The following ZNF717 variants were observed in gnomAD, a reference collection of about 807,000 sequenced individuals.
ZNF717 encodes zinc finger protein 717.
A neutral mutation model predicts 13.8 loss-of-function variants in ZNF717; 9 were observed. That is an observed-to-expected ratio of 0.65 (90% CI 0.39 to 1.14). The LOEUF is 1.14. ZNF717 is among the 50% of genes most tolerant of loss of function. The probability of loss-of-function intolerance (pLI) is 0.01; values close to 1 mark genes in which losing one functional copy is unlikely to be tolerated. For synonymous variants in ZNF717, 327 were observed against 364.1 expected, an observed-to-expected ratio of 0.90 and a Z score of 1.16; for missense variants, 1,040 against 1,080.7, an observed-to-expected ratio of 0.96 and a Z score of 0.53.
At chr3:75,749,569 A>C (rs1296695045) in intron 2 of ZNF717, among the ~76,000 whole-genome samples, 1 of 151,954 alleles carries the variant, frequency 6.6e-6, no homozygotes, top group Non-Finnish European at 1.5e-5. Flanking sequence ...ATTCCAGAAC[A>C]CTGCCACAAG....
chr3:75,752,455 G>A (rs1330497727), intron 2 of ZNF717, among the ~76,000 whole-genome samples: 2 of 133,962 alleles, frequency 1.5e-5, no homozygotes, highest in African/African-American at 5.7e-5. Context: ...GGTTCTGAAT[G>A]TCCTCACATA....
At chr3:75,713,048 G>C (rs1300953381) in intron 5 of ZNF717, among the ~76,000 whole-genome samples, 1 of 151,928 alleles carries the variant, frequency 6.6e-6, no homozygotes, top group Admixed American at 6.6e-5. Context: ...AGAGTTCGAG[G>C]TTGCAGTGAG....
intron 2 of ZNF717, among the ~76,000 whole-genome samples, chr3:75,754,591 T>C (rs1222092850): frequency 5.3e-5 from 8 of 152,230 alleles, no homozygotes; most frequent in Non-Finnish European, 1.2e-4. Context: ...TGATGGCTTA[T>C]TAGTAGACTA....
intron 2 of ZNF717, among the ~76,000 whole-genome samples, chr3:75,746,528 T>C (rs1575807457): frequency 6.6e-6 from 1 of 152,126 alleles, no homozygotes; most frequent in African/African-American, 2.4e-5. Context: ...TTTCTCCACA[T>C]CCTCTCCAGC....
Position 75,736,848 on chromosome 3 carries a change from A to C in ZNF717, c.*30T>G. On this transcript the variant is annotated 3_prime_UTR_variant, in exon 5 of 5. Transcript: ENST00000652011. ...TAGACTGAGCATGGAGAAATCTGTA[A>C]TAGTAGCCAGAGAGGTGTAGGTTGT... 2.0e-6 allele frequency: 3 copies of C among 1,511,194 alleles called. No homozygotes were observed. The highest frequency in any genetic ancestry group is 1.3e-5 in the South Asian group (1 of 76,176). The allele number at this position is 1,511,194 out of a possible 1,614,324, so 93.6% of individuals were successfully genotyped here.
chr3:75,743,537 C>T (rs1167683424), intron 2 of ZNF717, among the ~76,000 whole-genome samples: 3 of 152,118 alleles, frequency 2.0e-5, no homozygotes, highest in Admixed American at 1.3e-4. Context: ...CCAGTAAGGA[C>T]AGAAAAGTTA....
intron 2 of ZNF717, among the ~76,000 whole-genome samples, chr3:75,757,665 T>C (rs1451405782): frequency 6.6e-6 from 1 of 152,192 alleles, no homozygotes; most frequent in Non-Finnish European, 1.5e-5. Context: ...GTCTTATCAC[T>C]TAAAAAATAT....
downstream of ZNF717, chr3:75,731,997 C>T: frequency 5.7e-6 from 4 of 698,908 alleles, no homozygotes; most frequent in South Asian, 6.0e-5. Context: ...ATATGGACAA[C>T]TCAAGGAGGT....
At chr3:75,757,605 C>T (rs1468545281) in intron 2 of ZNF717, among the ~76,000 whole-genome samples, 1 of 152,142 alleles carries the variant, frequency 6.6e-6, no homozygotes, top group African/African-American at 2.4e-5. Flanking sequence ...GCCTACTAAC[C>T]CAACATTCAT....
At chr3:75,719,830 T>C (rs1169209876) in intron 4 of ZNF717, among the ~76,000 whole-genome samples, 4 of 152,024 alleles carry the variant, frequency 2.6e-5, no homozygotes, top group Admixed American at 6.6e-5. Context: ...TGGTGGTGCA[T>C]GTCTGTAATC....
At chr3:75,714,508 C>T (rs1575717952) in intron 5 of ZNF717, among the ~76,000 whole-genome samples, 1 of 151,630 alleles carries the variant, frequency 6.6e-6, no homozygotes. Context: ...TAATGATATT[C>T]ATTTATAATC....
chr3:75,729,807 G>A (rs1338463015), downstream of ZNF717, among the ~76,000 whole-genome samples: 3 of 152,184 alleles, frequency 2.0e-5, no homozygotes, highest in Non-Finnish European at 2.9e-5. Flanking sequence ...AAGGAGGCAG[G>A]TTTGCATGAC....
chr3:75,712,795 C>T (rs1937968055), intron 5 of ZNF717, among the ~76,000 whole-genome samples: 1 of 150,472 alleles, frequency 6.6e-6, no homozygotes, highest in African/African-American at 2.4e-5. Flanking sequence ...TGTTTTTTTG[C>T]TGAATCAATA....
chr3:75,735,536 T>TTGCATACTTGTAGTCCTAGCTAAC, downstream of ZNF717, among the ~76,000 whole-genome samples: 1 of 151,644 alleles, frequency 6.6e-6, no homozygotes, highest in East Asian at 1.9e-4. Flanking sequence ...TCCTAGCTAA[T>TTGCATACTTGTAGTCCTAGCTAAC]TGGGAGACTG....
chr3:75,718,533 T>C (rs550467980), intron 4 of ZNF717, among the ~76,000 whole-genome samples: 1 of 152,270 alleles, frequency 6.6e-6, no homozygotes, highest in South Asian at 2.1e-4. Flanking sequence ...AAAGAATAAA[T>C]GTGATATACA....
chr3:75,708,598 T>C (rs1937854039), downstream of ZNF717, among the ~76,000 whole-genome samples: 1 of 151,978 alleles, frequency 6.6e-6, no homozygotes, highest in Admixed American at 6.5e-5. Flanking sequence ...TCACCAGCAA[T>C]GGAACAAAGC....
At chr3:75,713,199 G>A (rs1439408356) in intron 5 of ZNF717, among the ~76,000 whole-genome samples, 2 of 151,932 alleles carry the variant, frequency 1.3e-5, no homozygotes, top group African/African-American at 4.8e-5. Flanking sequence ...CACCCTTGCT[G>A]GAGTGCAGTG....
At chr3:75,748,216 G>A (rs374573145) in intron 2 of ZNF717, among the ~76,000 whole-genome samples, 1 of 152,028 alleles carries the variant, frequency 6.6e-6, no homozygotes, top group Non-Finnish European at 1.5e-5. Context: ...CAACCAAAAA[G>A]AGTCCAGAAC....
chr3:75,758,417 A>G (rs1942683483), intron 2 of ZNF717, among the ~76,000 whole-genome samples: 1 of 152,180 alleles, frequency 6.6e-6, no homozygotes, highest in African/African-American at 2.4e-5. Context: ...GATTTAGAAT[A>G]AACTCAGTTG....
Sources: allele counts gnomAD v4.1 joint callset (sites outside exome capture counted in the v4.1 genomes callset), GRCh38; gene constraint gnomAD v4.1.1; transcripts MANE v1.5; gene names NCBI Gene and HGNC (gene_info 2026-07-23, HGNC 2026-07-21).